LGALS3BP: variants seen among roughly 807,000 people sequenced by gnomAD.
The protein encoded by LGALS3BP is galectin 3 binding protein, also known as galectin-3-binding protein.
Under a neutral mutation model 22.9 loss-of-function variants are expected in LGALS3BP, and 25 were observed. That is an observed-to-expected ratio of 1.09 (90% confidence interval 0.80 to 1.53). The LOEUF (loss-of-function observed/expected upper bound fraction) is 1.53. Among genes scored for constraint, LGALS3BP ranks in the 40% most tolerant of loss-of-function variants. LGALS3BP has a pLI of 0.00. For missense variants in LGALS3BP, 718 were observed against 752.0 expected, an observed-to-expected ratio of 0.95 and a Z score of 0.53; for synonymous variants, 335 against 331.1, an observed-to-expected ratio of 1.01 and a Z score of -0.13.
chr17:78,973,944 T>C lies in LGALS3BP; in HGVS notation c.377-722A>G, dbSNP rs949061293. Among the ~76,000 whole-genome samples, 19 of 152,184 alleles carry C rather than the reference T, an allele frequency of 1.2e-4. No individual in the cohort carries two copies. The highest frequency in any genetic ancestry group is 4.1e-4 in the African/African-American group (17 of 41,464). On this transcript the variant is annotated intron_variant, in intron 4 of 5. Transcript: ENST00000262776. The surrounding 1 kb of genome is among the most constrained non-coding windows in gnomAD (Gnocchi z 5.8). ...CCACAGCTCTCCTGCCCCAGGAGCT[T>C]TGGCCGTGCGCCCATGGCCCCGTGT...
intron 3 of LGALS3BP, 48 bp downstream of exon 3, chr17:78,975,917 G>T: frequency 7.0e-7 from 1 of 1,424,076 alleles, no homozygotes; most frequent in Non-Finnish European, 9.5e-7. Context: ...CTGGGAGCTG[G>T]CTGTGCTGTG....
Position 78,974,613 on chromosome 17 carries a change from G to A in LGALS3BP, c.376+75C>T, listed in dbSNP as rs3744167. On this transcript the variant is annotated intron_variant, in intron 4 of 5. Transcript: ENST00000262776. ...GTGTGCTTCATGTGCGTGGGGGGGT[G>A]GTGCTGGGAGGGGCAGGGGCCACGG... 115 of 1,509,910 alleles carry A rather than the reference G, an allele frequency of 7.6e-5. No homozygotes were observed. The East Asian group carries it at 2.6e-3, about 34-fold the overall frequency. 93.5% of individuals were successfully genotyped at this position (1,509,910 alleles called of 1,614,324 possible).
At chr17:78,974,323 C>T (rs568346046) in intron 4 of LGALS3BP, among the ~76,000 whole-genome samples, 12 of 152,268 alleles carry the variant, frequency 7.9e-5, no homozygotes, top group Non-Finnish European at 1.5e-4. Flanking sequence ...TCCGCCAGGA[C>T]GGGCTTGAGC....
chr17:78,977,928 G>T (rs1348859748), intron 1 of LGALS3BP, among the ~76,000 whole-genome samples: 1 of 152,200 alleles, frequency 6.6e-6, no homozygotes, highest in Non-Finnish European at 1.5e-5. Flanking sequence ...CTCAGGCCAG[G>T]ACTGGGGAGG....
At position 78,973,273 on chromosome 17, in the gene LGALS3BP, C is replaced by T. The variant is rs2070691734; in HGVS notation, c.377-51G>A. 1 of 1,455,394 alleles carries T rather than the reference C, an allele frequency of 6.9e-7. No individual in the cohort carries two copies. Among genetic ancestry groups the T allele is most frequent in the Non-Finnish European group, 9.0e-7 (1 of 1,105,426 alleles). The allele number at this position is 1,455,394 out of a possible 1,614,324, so 90.2% of individuals were successfully genotyped here. On this transcript the variant is annotated intron_variant, in intron 4 of 5. Transcript: ENST00000262776. This position sits in a 1 kb window ranked among gnomAD's most constrained non-coding sequence, Gnocchi z 5.8. ...GCTGCGTTAGGAGCCGGGGCACTGCCACTCTCTGGGGTCAGTGTCTTCATC... is the reference window on the plus strand; with the variant it reads ...GCTGCGTTAGGAGCCGGGGCACTGCTACTCTCTGGGGTCAGTGTCTTCATC...
chr17:78,974,535 G>A, intron 4 of LGALS3BP, 153 bp downstream of exon 4: 1 of 825,450 alleles, frequency 1.2e-6, no homozygotes, highest in Non-Finnish European at 1.8e-6. Context: ...GGGCTCTTGG[G>A]ACGTCTGGGC....
rs1250051095 is a variant in LGALS3BP, at chr17:78,971,554, C to T, written c.*22G>A. 6.3e-7 allele frequency: 1 copy of T among 1,597,164 alleles called. No homozygotes were observed. Among genetic ancestry groups the T allele is most frequent in the East Asian group, 2.2e-5 (1 of 44,616 alleles). On this transcript the variant is annotated 3_prime_UTR_variant, in exon 6 of 6. Transcript: ENST00000262776. The surrounding 1 kb of genome is among the most constrained non-coding windows in gnomAD (Gnocchi z 5.6). Reference sequence around the variant, plus strand: ...GGGCGTCCTGGGGTTCTCCGGTTCTCACCACCCTTGGGCCACGCCGTCTAG... The same window carrying T: ...GGGCGTCCTGGGGTTCTCCGGTTCTTACCACCCTTGGGCCACGCCGTCTAG...
rs775762513 is a variant in LGALS3BP, at chr17:78,974,681, C to T, written c.376+7G>A. ...GGGCCTCCGCAGGGAGGTGCGCCCC[C>T]GCTCACCATTGGTGCAGACCACACC... On this transcript the variant is annotated splice_region_variant and intron_variant, in intron 4 of 5. Coordinates refer to ENST00000262776, the MANE Select transcript of LGALS3BP (RefSeq NM_005567.4). 36 of 1,611,752 alleles carry T rather than the reference C, an allele frequency of 2.2e-5. No individual in the cohort carries two copies. Among genetic ancestry groups the T allele is most frequent in the Middle Eastern group, 1.7e-4 (1 of 5,866 alleles).
rs1171423458 is a variant in LGALS3BP at position 78,976,685 on chromosome 17, G to A, written c.52+455C>T. The A allele has an allele frequency of 1.5e-5, 3 of 196,590 alleles. No individual in the cohort carries two copies. The highest frequency in any genetic ancestry group is 5.3e-5 in the Admixed American group (1 of 18,860). 12.2% of individuals were successfully genotyped at this position (196,590 alleles called of 1,614,324 possible). A position where few individuals can be genotyped will look rare whatever the true frequency, so the allele number is the denominator to read the frequency against. ...AGCCCCTACAGGAGCTGACAGAGCC[G>A]GGCAGGAGCTGGGTGCCTGAATCCA... On this transcript the variant is annotated intron_variant, in intron 2 of 5. Coordinates refer to ENST00000262776, the MANE Select transcript of LGALS3BP (RefSeq NM_005567.4). This position sits in a 1 kb window ranked among gnomAD's most constrained non-coding sequence, Gnocchi z 4.6.
chr17:78,977,055 A>G (rs978336116), intron 2 of LGALS3BP, 85 bp downstream of exon 2: 1 of 1,446,796 alleles, frequency 6.9e-7, no homozygotes, highest in African/African-American at 1.4e-5. Context: ...CCCAGGCAGA[A>G]TATCTCCTTG....
Position 78,976,335 on chromosome 17 carries a change from C to A in LGALS3BP, c.53-179G>T, listed in dbSNP as rs190863676. On this transcript the variant is annotated intron_variant, in intron 2 of 5. Coordinates refer to ENST00000262776, the MANE Select transcript of LGALS3BP (RefSeq NM_005567.4). The surrounding 1 kb of genome is among the most constrained non-coding windows in gnomAD (Gnocchi z 4.6). ...GGGAGGAGTGGAAGATACATACAGCCCCCCCTACCCCGCAAGGAGGCCAAA... is the reference window on the plus strand; with the variant it reads ...GGGAGGAGTGGAAGATACATACAGCACCCCCTACCCCGCAAGGAGGCCAAA... 4.5e-4 allele frequency among the ~76,000 whole-genome samples: 69 copies of A among 152,272 alleles called. No individual in the cohort carries two copies. In the East Asian group the frequency reaches 0.01, roughly 23 times the overall value.
At chr17:78,974,260 A>G (rs947407528) in intron 4 of LGALS3BP, among the ~76,000 whole-genome samples, 1 of 152,232 alleles carries the variant, frequency 6.6e-6, no homozygotes, top group Admixed American at 6.5e-5. Context: ...GTTCCCTCCA[A>G]ACTGGGCCAG....
chr17:78,972,812 A>T lies in LGALS3BP; in HGVS notation c.630-108T>A. The T allele has an allele frequency of 6.9e-7, 1 of 1,444,950 alleles. No individual in the cohort carries two copies. Among genetic ancestry groups the T allele is most frequent in the Non-Finnish European group, 9.3e-7 (1 of 1,077,044 alleles). 89.5% of individuals were successfully genotyped at this position (1,444,950 alleles called of 1,614,324 possible). On this transcript the variant is annotated intron_variant, in intron 5 of 5. Coordinates refer to ENST00000262776, the MANE Select transcript of LGALS3BP (RefSeq NM_005567.4). The surrounding 1 kb of genome is among the most constrained non-coding windows in gnomAD (Gnocchi z 5.1). ...GAGTGCACACAGTGTGGGAGTGAGCATGCGTGTGTGTGCAACTGCGTGAGT... is the reference window on the plus strand; with the variant it reads ...GAGTGCACACAGTGTGGGAGTGAGCTTGCGTGTGTGTGCAACTGCGTGAGT...
chr17:78,973,059 C>T lies in LGALS3BP; in HGVS notation c.540G>A (p.Leu180=). ...CGHTVILTAN[L]EAQALWKEPG... ...GCTCCTTCCACAGGGCCTGGGCCTC[C>T]AGGTTGGCAGTCAGGATGACCGTGT... The change falls in exon 5 of 6, where the codon CTG becomes CTA. Residue 180 remains leucine (L), a synonymous_variant. Coordinates refer to ENST00000262776, the MANE Select transcript of LGALS3BP (RefSeq NM_005567.4). The surrounding 1 kb of genome is among the most constrained non-coding windows in gnomAD (Gnocchi z 5.8). 1.2e-6 allele frequency: 2 copies of T among 1,613,854 alleles called. No individual in the cohort carries two copies. Among genetic ancestry groups the T allele is most frequent in the Non-Finnish European group, 1.7e-6 (2 of 1,179,986 alleles).
At position 78,974,718 on chromosome 17, in the gene LGALS3BP, C is replaced by G. The variant is rs574745905; in HGVS notation, c.346G>C (p.Glu116Gln). The change falls in exon 4 of 6, where the codon GAG becomes CAG. Residue 116 changes from glutamate (E) to glutamine (Q), a missense_variant. Glu to Gln is a conservative substitution (Grantham distance 29, BLOSUM62 2). Transcript: ENST00000262776. ...LGWLKSNCRH[E>Q]RDAGVVCTNE... ...GTGCAGACCACACCAGCGTCTCTCT[C>G]GTGCCTGCAGTTGCTCTTCAGCCAG... 30 of 1,613,784 alleles carry G rather than the reference C, an allele frequency of 1.9e-5. No homozygotes were observed. In the South Asian group the frequency reaches 3.1e-4, roughly 17 times the overall value.
At position 78,973,524 on chromosome 17, in the gene LGALS3BP, TTGG is replaced by T. The variant is rs1473076815; in HGVS notation, c.377-305_377-303del. Among the ~76,000 whole-genome samples the T allele has an allele frequency of 2.0e-5, 3 of 152,122 alleles. No homozygotes were observed. The South Asian group carries it at 6.2e-4, about 31-fold the overall frequency. ...TCAGGCAGCAGCTCCGCATGGAGACTTGGTGGTACTGACTCCGGAGCCCCCACT... is the reference window on the plus strand; with the variant it reads ...TCAGGCAGCAGCTCCGCATGGAGACTTGGTACTGACTCCGGAGCCCCCACT... On this transcript the variant is annotated intron_variant, in intron 4 of 5. Transcript: ENST00000262776. This position sits in a 1 kb window ranked among gnomAD's most constrained non-coding sequence, Gnocchi z 5.8.
At position 78,971,970 on chromosome 17, in the gene LGALS3BP, T is replaced by C; in HGVS notation, c.1364A>G (p.Tyr455Cys). 1.2e-6 allele frequency: 2 copies of C among 1,614,088 alleles called. No homozygotes were observed. The highest frequency in any genetic ancestry group is 1.1e-5 in the South Asian group (1 of 91,070). The stretch of plus-strand genomic sequence containing the variant: ...AGTCTGGAAGGACTGGTAGGGGTAG[T>C]ATCTGTAGTCAGAGGGGGCTTGGAA... ...DYFQAPSDYR[Y>C]YPYQSFQTPQ... Residue 455 changes from tyrosine (Y) to cysteine (C), a missense_variant, in exon 6 of 6, where the codon TAC (tyrosine) becomes TGC (cysteine). Tyr to Cys is a radical substitution (Grantham distance 194). Coordinates refer to ENST00000262776, the MANE Select transcript of LGALS3BP (RefSeq NM_005567.4). This position sits in a 1 kb window ranked among gnomAD's most constrained non-coding sequence, Gnocchi z 5.6.
In LGALS3BP at chr17:78,976,147, T is replaced by C. The variant is rs1206758944; in HGVS notation, c.62A>G (p.Asp21Gly). The part of the protein sequence containing the change: ...LLVAGTQGVN[D>G]GDMRLADGGA... ...CCCATCGGCCAGCCGCATGTCACCA[T>C]CGTTCACGCCTGCAGGCAGAGACCA... Residue 21 changes from aspartate to glycine, a missense_variant, in exon 3 of 6, where the codon GAT (aspartate) becomes GGT (glycine). Asp to Gly is a moderately conservative substitution (Grantham distance 94). Coordinates refer to ENST00000262776, the MANE Select transcript of LGALS3BP (RefSeq NM_005567.4). This position sits in a 1 kb window ranked among gnomAD's most constrained non-coding sequence, Gnocchi z 4.6. 3 of 1,579,522 alleles carry C rather than the reference T, an allele frequency of 1.9e-6. No homozygotes were observed. The highest frequency in any genetic ancestry group is 2.7e-5 in the African/African-American group (2 of 74,092).
At position 78,977,381 on chromosome 17, in the gene LGALS3BP, A is replaced by G. The variant is rs1171827686; in HGVS notation, c.-23-167T>C. The G allele has an allele frequency of 1.1e-5, 7 of 608,930 alleles. No homozygotes were observed. In the East Asian group the frequency reaches 1.4e-4, roughly 12 times the overall value. 37.7% of individuals were successfully genotyped at this position (608,930 alleles called of 1,614,324 possible). A position where few individuals can be genotyped will look rare whatever the true frequency, so the allele number is the denominator to read the frequency against. Reference sequence around the variant, plus strand: ...CCAGTAAGTGTGACGTGTGCTGTGGATGCCCCCGCGGGGGCCCCTCACCTG... The same window carrying G: ...CCAGTAAGTGTGACGTGTGCTGTGGGTGCCCCCGCGGGGGCCCCTCACCTG... On this transcript the variant is annotated intron_variant, in intron 1 of 5. Transcript: ENST00000262776.
Sources: gnomAD v4.1 joint callset for allele counts (sites outside exome capture counted in the v4.1 genomes callset) on GRCh38, gnomAD v4.1.1 for gene constraint, Gnocchi (gnomAD v3.1) non-coding constraint, MANE v1.5 for transcripts, NCBI Gene and HGNC (gene_info 2026-07-23, HGNC 2026-07-21) for gene names.